Variants in MB21D2 observed in about 807,000 individuals in gnomAD.
MB21D2 encodes the protein Mab-21 domain containing 2.
MB21D2 carries 9 observed loss-of-function variants against 33.3 expected under a neutral mutation model. That is an observed-to-expected ratio of 0.27 (90% CI 0.16 to 0.47). The LOEUF is 0.47. Among genes scored for constraint, MB21D2 ranks in the 20% least tolerant of loss-of-function variants. The probability of loss-of-function intolerance (pLI) is 0.99; values close to 1 mark genes in which losing one functional copy is unlikely to be tolerated. For synonymous variants in MB21D2, 241 were observed against 236.3 expected, an observed-to-expected ratio of 1.02 and a Z score of -0.18; for missense variants, 540 against 624.6, an observed-to-expected ratio of 0.86 and a Z score of 1.44.
intron 1 of MB21D2, among the ~76,000 whole-genome samples, chr3:192,872,252 T>A (rs766437366): frequency 5.3e-5 from 8 of 152,178 alleles, no homozygotes; most frequent in Admixed American, 2.6e-4. Flanking sequence ...GTTTGCCTTC[T>A]GCACTAGCTC....
chr3:192,916,953 G>A (rs749599607), intron 1 of MB21D2, among the ~76,000 whole-genome samples: 1 of 152,202 alleles, frequency 6.6e-6, no homozygotes, highest in Non-Finnish European at 1.5e-5. Flanking sequence ...TAAGAATTCC[G>A]AGCTCAGCGA....
chr3:192,856,907 G>C (rs973968546), intron 1 of MB21D2, among the ~76,000 whole-genome samples: 2 of 152,050 alleles, frequency 1.3e-5, no homozygotes, highest in Non-Finnish European at 1.5e-5. Context: ...CTGTCTGTTT[G>C]AGATCTAAGC....
intron 1 of MB21D2, among the ~76,000 whole-genome samples, chr3:192,879,788 A>G (rs1341875128): frequency 6.6e-6 from 1 of 152,258 alleles, no homozygotes; most frequent in Non-Finnish European, 1.5e-5. Flanking sequence ...TTTTTATTGC[A>G]GAGAATACCC....
At position 192,798,271 on chromosome 3, in the gene MB21D2, G is replaced by C. The variant is rs1720564446; in HGVS notation, c.*115C>G. On this transcript the variant is annotated 3_prime_UTR_variant, in exon 2 of 2. Coordinates refer to ENST00000392452, the MANE Select transcript of MB21D2 (RefSeq NM_178496.4). This position sits in a 1 kb window ranked among gnomAD's most constrained non-coding sequence, Gnocchi z 4.8. Reference sequence around the variant, plus strand: ...TGCAGAACCAGGAAACTTAAAATTTGTTCTTAACAAATCCAATCTAGGCTG... The same window carrying C: ...TGCAGAACCAGGAAACTTAAAATTTCTTCTTAACAAATCCAATCTAGGCTG... 8.3e-7 allele frequency: 1 copy of C among 1,204,964 alleles called. No homozygotes were observed. The highest frequency in any genetic ancestry group is 1.2e-6 in the Non-Finnish European group (1 of 865,266). The allele number at this position is 1,204,964 out of a possible 1,614,324, so 74.6% of individuals were successfully genotyped here.
chr3:192,847,295 A>T (rs1313729025), intron 1 of MB21D2, among the ~76,000 whole-genome samples: 1 of 152,112 alleles, frequency 6.6e-6, no homozygotes, highest in Non-Finnish European at 1.5e-5. Flanking sequence ...AGAAACACTA[A>T]ATCTGTCACA....
rs374261459 is a variant in MB21D2, at chr3:192,798,431, G to A, written c.1431C>T (p.Asp477=). Residue 477 remains aspartate (D), a synonymous_variant, in exon 2 of 2, where the codon GAC becomes GAT. Coordinates refer to ENST00000392452, the MANE Select transcript of MB21D2 (RefSeq NM_178496.4). The surrounding 1 kb of genome is among the most constrained non-coding windows in gnomAD (Gnocchi z 4.8). The part of the protein sequence containing the change: ...GKSISVFINP[D]DVTRPHFRID... ...TTCTGAAATGGGGCCTTGTGACATCGTCAGGATTGATAAAGACAGAGATTG... is the reference window on the plus strand; with the variant it reads ...TTCTGAAATGGGGCCTTGTGACATCATCAGGATTGATAAAGACAGAGATTG... 22 of 1,614,030 alleles carry A rather than the reference G, an allele frequency of 1.4e-5. No individual in the cohort carries two copies. Among genetic ancestry groups the A allele is most frequent in the Admixed American group, 3.3e-5 (2 of 59,998 alleles).
intron 1 of MB21D2, among the ~76,000 whole-genome samples, chr3:192,851,649 C>T (rs752681283): frequency 3.5e-5 from 5 of 143,006 alleles, no homozygotes; most frequent in African/African-American, 5.5e-5. Flanking sequence ...CATGCACCGC[C>T]ATATCCCGCT....
At chr3:192,877,801 A>T (rs1312258994) in intron 1 of MB21D2, among the ~76,000 whole-genome samples, 1 of 152,202 alleles carries the variant, frequency 6.6e-6, no homozygotes, top group Non-Finnish European at 1.5e-5. Flanking sequence ...ACATGCAAGT[A>T]CTGCAGACTG....
At chr3:192,874,228 A>C (rs1282802657) in intron 1 of MB21D2, among the ~76,000 whole-genome samples, 2 of 152,198 alleles carry the variant, frequency 1.3e-5, no homozygotes, top group African/African-American at 4.8e-5. Flanking sequence ...TGGGCTGTAC[A>C]TAAAAATTTT....
intron 1 of MB21D2, among the ~76,000 whole-genome samples, chr3:192,907,157 T>C (rs1221649545): frequency 2.6e-5 from 3 of 115,982 alleles, no homozygotes; most frequent in Non-Finnish European, 6.3e-5. Flanking sequence ...GGCATAATTA[T>C]GAACAGTTCT....
intron 1 of MB21D2, among the ~76,000 whole-genome samples, chr3:192,804,650 CCAGTAACAAA>C (rs972252222): frequency 1.3e-5 from 2 of 152,062 alleles, no homozygotes; most frequent in Non-Finnish European, 2.9e-5. Flanking sequence ...GTAGCACATA[CCAGTAACAAA>C]CAGTGCCTTA....
intron 1 of MB21D2, among the ~76,000 whole-genome samples, chr3:192,835,258 T>A (rs561503656): frequency 1.7e-4 from 25 of 144,304 alleles, no homozygotes; most frequent in South Asian, 1.4e-3. Context: ...ATCAAGACCA[T>A]CCTGGCTAGC....
At position 192,838,894 on chromosome 3, in the gene MB21D2, T is replaced by A. The variant is rs935335832; in HGVS notation, c.212-39244A>T. Among the ~76,000 whole-genome samples the A allele has an allele frequency of 7.9e-5, 12 of 152,158 alleles. 1 individual carries two copies. Among genetic ancestry groups the A allele is most frequent in the Non-Finnish European group, 1.6e-4 (11 of 68,024 alleles). ...CAAGTATCCACTGTATTATATGCCT[T>A]TTTTGAAGTCAAACTAGTGAATGCC... On this transcript the variant is annotated intron_variant, in intron 1 of 1. Coordinates refer to ENST00000392452, the MANE Select transcript of MB21D2 (RefSeq NM_178496.4).
intron 1 of MB21D2, among the ~76,000 whole-genome samples, chr3:192,838,973 C>A (rs905389663): frequency 2.0e-5 from 3 of 152,094 alleles, no homozygotes; most frequent in Admixed American, 6.5e-5. Context: ...GTCAAAAAAG[C>A]CTGGGTTTGA....
chr3:192,835,153 T>TA lies in MB21D2; in HGVS notation c.212-35504dup, dbSNP rs1553857240. Among the ~76,000 whole-genome samples, 452 of 75,810 alleles carry TA rather than the reference T, an allele frequency of 6.0e-3. 2 individuals are homozygous for TA. Among genetic ancestry groups the TA allele is most frequent in the Non-Finnish European group, 9.5e-3 (290 of 30,392 alleles). 49.7% of individuals were successfully genotyped at this position (75,810 alleles called of 152,430 possible). On this transcript the variant is annotated intron_variant, in intron 1 of 1. Coordinates refer to ENST00000392452, the MANE Select transcript of MB21D2 (RefSeq NM_178496.4). The stretch of plus-strand genomic sequence containing the variant: ...GCCAGGGATCTTTAGAAAGTGTCTT[T>TA]AAAAAAAAAAAAAAAAAAAAGCTGG...
At chr3:192,908,827 A>G (rs1178840026) in intron 1 of MB21D2, among the ~76,000 whole-genome samples, 1 of 152,114 alleles carries the variant, frequency 6.6e-6, no homozygotes, top group Non-Finnish European at 1.5e-5. Flanking sequence ...CATCTGTAGA[A>G]CCTGGGACAT....
intron 1 of MB21D2, among the ~76,000 whole-genome samples, chr3:192,816,932 G>T (rs1289782171): frequency 6.6e-6 from 1 of 151,870 alleles, no homozygotes; most frequent in African/African-American, 2.4e-5. Context: ...ACACTTAATT[G>T]AAACAGTTAC....
At chr3:192,913,753 G>C (rs761639128) in intron 1 of MB21D2, among the ~76,000 whole-genome samples, 1 of 152,094 alleles carries the variant, frequency 6.6e-6, no homozygotes, top group Non-Finnish European at 1.5e-5. Context: ...GATAGCTTAC[G>C]CCTAGGACTT....
intron 1 of MB21D2, among the ~76,000 whole-genome samples, chr3:192,876,743 C>A (rs1713436853): frequency 6.6e-6 from 1 of 152,132 alleles, no homozygotes; most frequent in Non-Finnish European, 1.5e-5. Context: ...GGCCTTTGAA[C>A]ATAATATGTT....
Sources: gnomAD v4.1 joint callset for allele counts (sites outside exome capture counted in the v4.1 genomes callset) on GRCh38, gnomAD v4.1.1 for gene constraint, Gnocchi (gnomAD v3.1) non-coding constraint, MANE v1.5 for transcripts, NCBI Gene and HGNC (gene_info 2026-07-23, HGNC 2026-07-21) for gene names.